The following MYO3B variants were observed in gnomAD, a reference collection of about 807,000 sequenced individuals.
The protein encoded by MYO3B is myosin-IIIb.
Under a neutral mutation model 174.6 loss-of-function variants are expected in MYO3B, and 156 were observed. The ratio of observed to expected loss-of-function variants is 0.89; its 90% confidence interval spans 0.78 to 1.02. The LOEUF (loss-of-function observed/expected upper bound fraction) is 1.02, where lower values mean the gene tolerates loss of function less well. Among genes scored for constraint, MYO3B ranks in the 50% least tolerant of loss-of-function variants. The pLI, the probability that MYO3B is intolerant of heterozygous loss-of-function variation, is 0.00. For synonymous variants in MYO3B, 563 were observed against 569.1 expected (o/e 0.99, Z 0.15); for missense variants, 1,632 against 1,639.4 (o/e 1.00, Z 0.08).
chr2:170,393,959 C>T (rs1341506945), intron 16 of MYO3B, among the ~76,000 whole-genome samples: 3 of 152,032 alleles, frequency 2.0e-5, no homozygotes, highest in Non-Finnish European at 4.4e-5. Flanking sequence ...GATGCATCCC[C>T]AGAAGAGTTA....
chr2:170,284,921 TTTGA>T (rs1415272627), intron 7 of MYO3B, among the ~76,000 whole-genome samples: 1 of 152,194 alleles, frequency 6.6e-6, no homozygotes, highest in Non-Finnish European at 1.5e-5. Context: ...TAGAGTATGG[TTTGA>T]TTGTTTTAAA....
At chr2:170,475,488 C>T (rs1191162722) in intron 25 of MYO3B, among the ~76,000 whole-genome samples, 2 of 152,172 alleles carry the variant, frequency 1.3e-5, no homozygotes, top group Admixed American at 6.5e-5. Flanking sequence ...TGGGCTCAAG[C>T]TATCTATCCT....
intron 32 of MYO3B, among the ~76,000 whole-genome samples, chr2:170,568,716 A>T (rs1379677995): frequency 6.6e-6 from 1 of 152,180 alleles, no homozygotes; most frequent in African/African-American, 2.4e-5. Flanking sequence ...TGGCTCTTGA[A>T]ATATAAGGAT....
intron 32 of MYO3B, among the ~76,000 whole-genome samples, chr2:170,646,379 TG>T (rs961116156): frequency 2.0e-5 from 3 of 151,988 alleles, no homozygotes; most frequent in Non-Finnish European, 4.4e-5. Flanking sequence ...TGCTTAGTTC[TG>T]GGGGTTTTTT....
chr2:170,389,449 A>G lies in MYO3B; in HGVS notation c.1578-2071A>G, dbSNP rs149155947. 8.3e-4 allele frequency among the ~76,000 whole-genome samples: 126 copies of G among 152,354 alleles called. No individual in the cohort carries two copies. In the South Asian group the frequency reaches 0.022, roughly 26 times the overall value. On this transcript the variant is annotated intron_variant, in intron 14 of 34. Coordinates refer to ENST00000408978, the MANE Select transcript of MYO3B (RefSeq NM_138995.5). ...CTGCCATGGACATGTACTCTGAGCA[A>G]GAACTAAACCTTTATTGAGTTAAGC...
At chr2:170,619,287 C>G (rs1353890217) in intron 32 of MYO3B, among the ~76,000 whole-genome samples, 2 of 152,192 alleles carry the variant, frequency 1.3e-5, no homozygotes, top group Non-Finnish European at 2.9e-5. Flanking sequence ...CACGTCCATT[C>G]ATAGGCTCTC....
intron 30 of MYO3B, among the ~76,000 whole-genome samples, chr2:170,538,074 A>G (rs1221029163): frequency 1.3e-5 from 2 of 152,236 alleles, no homozygotes; most frequent in Non-Finnish European, 2.9e-5. Context: ...AAAATTTAGA[A>G]AATGGAGAAT....
chr2:170,524,112 T>C (rs1255502729), intron 30 of MYO3B, among the ~76,000 whole-genome samples: 4 of 152,090 alleles, frequency 2.6e-5, no homozygotes, highest in Non-Finnish European at 5.9e-5. Flanking sequence ...TGAAGGGAAG[T>C]GTTGAGATCA....
intron 32 of MYO3B, among the ~76,000 whole-genome samples, chr2:170,587,655 A>G (rs1190262326): frequency 6.6e-6 from 1 of 152,214 alleles, no homozygotes; most frequent in Non-Finnish European, 1.5e-5. Context: ...AATGACCTGG[A>G]CTGATGGCCA....
At position 170,543,891 on chromosome 2, in the gene MYO3B, G is replaced by C. The variant is rs771057356; in HGVS notation, c.3637-1G>C. The C allele has an allele frequency of 1.2e-6, 2 of 1,611,794 alleles. No homozygotes were observed. The highest frequency in any genetic ancestry group is 8.5e-7 in the Non-Finnish European group (1 of 1,178,434). ...ATTTCTCTTACTGGGTTTTTCTGAA[G>C]CACTCGGTTTCTGGGACTGATTTGC... On this transcript the variant is annotated splice_acceptor_variant, in intron 31 of 34. Coordinates refer to ENST00000408978, the MANE Select transcript of MYO3B (RefSeq NM_138995.5). LOFTEE classifies it high-confidence loss of function.
chr2:170,304,039 G>T (rs2093683598), intron 7 of MYO3B, among the ~76,000 whole-genome samples: 1 of 151,988 alleles, frequency 6.6e-6, no homozygotes, highest in Non-Finnish European at 1.5e-5. Flanking sequence ...TGGGCATTTT[G>T]GTTCTTTCCC....
intron 32 of MYO3B, among the ~76,000 whole-genome samples, chr2:170,599,485 T>G (rs1202340723): frequency 6.6e-6 from 1 of 152,204 alleles, no homozygotes; most frequent in Non-Finnish European, 1.5e-5. Flanking sequence ...AGGGTTTTTT[T>G]GCCGTAATCC....
At chr2:170,394,027 C>T (rs1044292313) in intron 16 of MYO3B, among the ~76,000 whole-genome samples, 9 of 152,038 alleles carry the variant, frequency 5.9e-5, no homozygotes, top group African/African-American at 9.7e-5. Context: ...TGCCAAAGTA[C>T]GCAGGGGCAC....
At chr2:170,282,558 A>G (rs1172273048) in intron 7 of MYO3B, among the ~76,000 whole-genome samples, 2 of 151,590 alleles carry the variant, frequency 1.3e-5, no homozygotes, top group African/African-American at 4.8e-5. Flanking sequence ...AGCTTTGTTC[A>G]TTTTGCCTAG....
rs77323609 is a variant in MYO3B at position 170,380,943 on chromosome 2, C to T, written c.972-1073C>T. On this transcript the variant is annotated intron_variant, in intron 9 of 34. Transcript: ENST00000408978. The stretch of plus-strand genomic sequence containing the variant: ...TTAGCCTGGACAACAAAGCAAAACT[C>T]CATCTCTACAAAAAATAATTTTAAA... 3.2e-3 allele frequency among the ~76,000 whole-genome samples: 487 copies of T among 152,240 alleles called. 5 individuals are homozygous for T. Among genetic ancestry groups the T allele is most frequent in the Middle Eastern group, 0.014 (4 of 294 alleles).
chr2:170,310,686 A>AAAAAAAG (rs1394362887), intron 7 of MYO3B, among the ~76,000 whole-genome samples: 27 of 150,956 alleles, frequency 1.8e-4, no homozygotes, highest in African/African-American at 6.4e-4. Context: ...AAAAAAAAAA[A>AAAAAAAG]AGAAATACAT....
chr2:170,311,441 G>T (rs10209277), intron 7 of MYO3B, among the ~76,000 whole-genome samples: 1 of 151,068 alleles, frequency 6.6e-6, no homozygotes, highest in African/African-American at 2.4e-5. Context: ...ATGTTTTTTG[G>T]CCACTTAAAA....
chr2:170,205,011 G>A (rs2092700308), intron 3 of MYO3B, among the ~76,000 whole-genome samples: 1 of 152,038 alleles, frequency 6.6e-6, no homozygotes. Context: ...AAACCTTGCT[G>A]GTGGGCTTAT....
chr2:170,578,689 T>C (rs1259229146), intron 32 of MYO3B, among the ~76,000 whole-genome samples: 2 of 152,244 alleles, frequency 1.3e-5, no homozygotes, highest in Admixed American at 1.3e-4. Context: ...TTCTCTAAAC[T>C]AACTGCTAAA....
Sources: allele counts gnomAD v4.1 joint callset (sites outside exome capture counted in the v4.1 genomes callset), GRCh38; gene constraint gnomAD v4.1.1; transcripts MANE v1.5; gene names NCBI Gene and HGNC (gene_info 2026-07-23, HGNC 2026-07-21).